SCFD2: variants seen among roughly 807,000 people sequenced by gnomAD.
The protein encoded by SCFD2 is sec1 family domain-containing protein 2.
A neutral mutation model predicts 58.9 loss-of-function variants in SCFD2; 54 were observed. The ratio of observed to expected loss-of-function variants is 0.92; its 90% CI spans 0.74 to 1.15. The LOEUF (loss-of-function observed/expected upper bound fraction) is 1.15, where lower values mean the gene tolerates loss of function less well. SCFD2 is among the 50% of genes most tolerant of loss of function. The pLI is 0.00. For synonymous variants in SCFD2, 321 were observed against 335.9 expected (o/e 0.96, Z 0.49); for missense variants, 805 against 836.6 (o/e 0.96, Z 0.47).
chr4:53,085,420 G>A (rs1291432839), intron 5 of SCFD2, among the ~76,000 whole-genome samples: 1 of 152,018 alleles, frequency 6.6e-6, no homozygotes, highest in Non-Finnish European at 1.5e-5. Flanking sequence ...TCCTGTTCGT[G>A]GACTAGAAGA....
intron 5 of SCFD2, among the ~76,000 whole-genome samples, chr4:53,045,690 G>A (rs1723022377): frequency 6.6e-6 from 1 of 151,892 alleles, no homozygotes; most frequent in South Asian, 2.1e-4. Flanking sequence ...AATAACTCTT[G>A]GCATAGATAG....
intron 3 of SCFD2, among the ~76,000 whole-genome samples, chr4:53,277,780 C>T (rs761213920): frequency 2.6e-5 from 4 of 152,230 alleles, no homozygotes; most frequent in Admixed American, 6.5e-5. Context: ...AGGCTCGGCG[C>T]GGTGGCTCAC....
intron 5 of SCFD2, chr4:52,956,278 G>C (rs373196093): frequency 1.2e-4 from 56 of 456,516 alleles, no homozygotes; most frequent in African/African-American, 1.0e-3. Flanking sequence ...GCCTGGAAGG[G>C]GAGCGGTGGC....
At chr4:53,342,221 T>C (rs1560457088) in intron 2 of SCFD2, among the ~76,000 whole-genome samples, 1 of 152,128 alleles carries the variant, frequency 6.6e-6, no homozygotes, top group Non-Finnish European at 1.5e-5. Flanking sequence ...CCAACTCACG[T>C]GCAGAGACAC....
At chr4:52,897,487 T>C (rs1470618108) in intron 7 of SCFD2, among the ~76,000 whole-genome samples, 1 of 152,220 alleles carries the variant, frequency 6.6e-6, no homozygotes, top group Non-Finnish European at 1.5e-5. Context: ...TGAACCAGCC[T>C]TGCATCCCAG....
chr4:52,882,803 C>G (rs1310702584), intron 8 of SCFD2, among the ~76,000 whole-genome samples: 1 of 152,202 alleles, frequency 6.6e-6, no homozygotes, highest in Admixed American at 6.5e-5. Context: ...ATAAACTCCC[C>G]TTTATATCTA....
chr4:53,266,841 G>A (rs1018296977), intron 4 of SCFD2, among the ~76,000 whole-genome samples: 18 of 152,080 alleles, frequency 1.2e-4, no homozygotes, highest in Admixed American at 1.3e-4. Context: ...TATCTCCTTC[G>A]GCTTTTCAAA....
intron 4 of SCFD2, among the ~76,000 whole-genome samples, chr4:53,243,637 C>T (rs1354463802): frequency 2.6e-5 from 4 of 151,760 alleles, no homozygotes; most frequent in African/African-American, 9.7e-5. Context: ...CAACTTTAAC[C>T]TTGCAAGTAA....
At chr4:53,271,714 C>T (rs534666127) in intron 4 of SCFD2, among the ~76,000 whole-genome samples, 5 of 152,188 alleles carry the variant, frequency 3.3e-5, no homozygotes, top group East Asian at 3.9e-4. Context: ...CCGCCCACCT[C>T]GGCCTCCCAA....
At chr4:53,181,898 C>G (rs990068457) in intron 4 of SCFD2, among the ~76,000 whole-genome samples, 5 of 152,134 alleles carry the variant, frequency 3.3e-5, no homozygotes, top group Non-Finnish European at 7.4e-5. Context: ...AACTCCCACT[C>G]ACAATTGCTT....
chr4:52,888,480 C>T (rs1023016222), intron 7 of SCFD2, among the ~76,000 whole-genome samples: 1 of 152,210 alleles, frequency 6.6e-6, no homozygotes, highest in Non-Finnish European at 1.5e-5. Flanking sequence ...GCATACCAGA[C>T]ACCATAGCAA....
chr4:52,939,060 C>A (rs1002292994), intron 5 of SCFD2, among the ~76,000 whole-genome samples: 1 of 152,114 alleles, frequency 6.6e-6, no homozygotes, highest in Non-Finnish European at 1.5e-5. Flanking sequence ...GCAGAACCCT[C>A]ATAGATCTGA....
chr4:53,126,287 C>A (rs2148895929), intron 5 of SCFD2, among the ~76,000 whole-genome samples: 1 of 152,242 alleles, frequency 6.6e-6, no homozygotes, highest in Admixed American at 6.5e-5. Context: ...GACACTTTTG[C>A]CACTTTAAAA....
intron 5 of SCFD2, among the ~76,000 whole-genome samples, chr4:53,041,780 CTTG>C (rs991791297): frequency 1.4e-4 from 21 of 152,134 alleles, no homozygotes; most frequent in African/African-American, 4.1e-4. Context: ...AATATAATTA[CTTG>C]TTGTTGGTGT....
At chr4:53,046,539 AT>A (rs112841080) in intron 5 of SCFD2, among the ~76,000 whole-genome samples, 298 of 146,960 alleles carry the variant, frequency 2.0e-3, no homozygotes, top group Middle Eastern at 0.014. Flanking sequence ...AAGAGCACAG[AT>A]TTTTTTTTTT....
intron 4 of SCFD2, among the ~76,000 whole-genome samples, chr4:53,201,657 C>T (rs560132741): frequency 9.4e-4 from 143 of 152,218 alleles, no homozygotes; most frequent in Admixed American, 2.6e-3. Context: ...TAAAAGTGTT[C>T]CTATTTCTCC....
In SCFD2 at chr4:53,170,663, G is replaced by A. The variant is rs116005402; in HGVS notation, c.1312-25081C>T. 5.3e-3 allele frequency among the ~76,000 whole-genome samples: 802 copies of A among 152,256 alleles called. 8 individuals are homozygous for A. The highest frequency in any genetic ancestry group is 0.018 in the African/African-American group (743 of 41,558). On this transcript the variant is annotated intron_variant, in intron 4 of 8. Transcript: ENST00000401642. ...AACAATATTAATTCTTCCAATACAT[G>A]AGCGTGAAATAATTTTCCATTTATT...
chr4:53,132,918 A>G (rs1327182220), intron 5 of SCFD2, among the ~76,000 whole-genome samples: 1 of 152,220 alleles, frequency 6.6e-6, no homozygotes, highest in African/African-American at 2.4e-5. Context: ...GCAGGTATAC[A>G]TATCCTGAAA....
chr4:53,252,807 C>T (rs1363389574), intron 4 of SCFD2, among the ~76,000 whole-genome samples: 1 of 152,072 alleles, frequency 6.6e-6, no homozygotes, highest in Non-Finnish European at 1.5e-5. Flanking sequence ...CTAGGCATTA[C>T]CATTCAGGAC....
Sources: gnomAD v4.1 joint callset for allele counts (sites outside exome capture counted in the v4.1 genomes callset) on GRCh38, gnomAD v4.1.1 for gene constraint, MANE v1.5 for transcripts, NCBI Gene and HGNC (gene_info 2026-07-23, HGNC 2026-07-21) for gene names.